Variants in TBATA observed in about 807,000 individuals in gnomAD.
TBATA encodes thymus, brain and testes associated, also known as protein TBATA.
TBATA carries 47 observed loss-of-function variants against 38.7 expected under a neutral mutation model. The observed-to-expected ratio is 1.21, with a 90% CI of 0.96 to 1.55. The LOEUF (loss-of-function observed/expected upper bound fraction) is 1.55. TBATA is among the 40% of genes most tolerant of loss of function. The pLI, the probability that TBATA is intolerant of heterozygous loss-of-function variation, is 0.00. For missense variants in TBATA, 436 were observed against 435.6 expected (o/e 1.00, Z -0.01); for synonymous variants, 183 against 170.5 (o/e 1.07, Z -0.57).
chr10:70,772,617 C>T lies in TBATA; in HGVS notation c.921-51G>A, dbSNP rs754721551. ...TGGGAAGGTCATGCTGGAAACCTGA[C>T]CCCACGGGTGGCAGGGGAGACAGGG... On this transcript the variant is annotated intron_variant, in intron 9 of 10. Coordinates refer to ENST00000456372, the MANE Select transcript of TBATA (RefSeq NM_001318241.2). 9 of 1,597,930 alleles carry T rather than the reference C, an allele frequency of 5.6e-6. No homozygotes were observed. The Admixed American group carries it at 1.5e-4, about 27-fold the overall frequency.
chr10:70,779,593 C>T lies in TBATA; in HGVS notation c.427G>A (p.Glu143Lys). 6.7e-7 allele frequency: 1 copy of T among 1,489,752 alleles called. No homozygotes were observed. Among genetic ancestry groups the T allele is most frequent in the Non-Finnish European group, 8.9e-7 (1 of 1,125,102 alleles). The allele number at this position is 1,489,752 out of a possible 1,614,324, so 92.3% of individuals were successfully genotyped here. ...AGGGAGGCATGGCCCAAGTACCCAC[C>T]AGAAGAAAGCTGGGGGTTCCGATTA... is the stretch of plus-strand genomic sequence containing the variant. ...QSNRNPQLSSEAWKKELKELA... is the reference protein window; with the variant it reads ...QSNRNPQLSSKAWKKELKELA... Residue 143 changes from glutamate to lysine, a missense_variant and splice_region_variant, in exon 5 of 11, where the codon GAA becomes AAA. Coordinates refer to ENST00000456372, the MANE Select transcript of TBATA (RefSeq NM_001318241.2).
Position 70,778,420 on chromosome 10 carries a change from C to A in TBATA, c.507+137G>T, listed in dbSNP as rs543603648. 33 of 881,376 alleles carry A rather than the reference C, an allele frequency of 3.7e-5. No individual in the cohort carries two copies. The African/African-American group carries it at 5.2e-4, about 14-fold the overall frequency. The allele number at this position is 881,376 out of a possible 1,614,324, so 54.6% of individuals were successfully genotyped here. On this transcript the variant is annotated intron_variant, in intron 6 of 10. Transcript: ENST00000456372. ...AGGTGTGCTCTCTCCCTCACTGTGA[C>A]CTTTCCCCTGACGTTTGTATGAATC...
chr10:70,784,523 G>A (rs1237643778), intron 2 of TBATA, 124 bp downstream of exon 2: 4 of 152,166 alleles, frequency 2.6e-5, no homozygotes, highest in African/African-American at 9.7e-5. Flanking sequence ...AGGGACCCCA[G>A]AGATCTCCCA....
intron 6 of TBATA, among the ~76,000 whole-genome samples, chr10:70,778,265 C>T (rs964573790): frequency 2.0e-5 from 3 of 152,226 alleles, no homozygotes; most frequent in Admixed American, 6.5e-5. Context: ...CCTGCATTTG[C>T]CAGCTTTTGA....
At chr10:70,774,068 T>G in intron 9 of TBATA, 145 bp downstream of exon 9, 1 of 1,135,052 alleles carries the variant, frequency 8.8e-7, no homozygotes, top group Non-Finnish European at 1.2e-6. Flanking sequence ...AGAAGGTCCC[T>G]GGGGGAGGGG....
At position 70,781,809 on chromosome 10, in the gene TBATA, T is replaced by C. The variant is rs774181411; in HGVS notation, c.269A>G (p.His90Arg). ...AACCAGCCAGGCCCTACCTTGGATG[T>C]GGGTCACGTGCTGGGGGTGTGGGTG... ...RHHPHPQHVTHIQDLTGKPVC... is the reference protein window; with the variant it reads ...RHHPHPQHVTRIQDLTGKPVC... The change falls in exon 4 of 11, where the codon CAC (histidine) becomes CGC (arginine). Residue 90 changes from histidine (H) to arginine (R), a missense_variant. Physicochemically the swap from His to Arg is conservative, Grantham distance 29. Transcript: ENST00000456372. 3 of 1,613,886 alleles carry C rather than the reference T, an allele frequency of 1.9e-6. No homozygotes were observed. Among genetic ancestry groups the C allele is most frequent in the East Asian group, 2.2e-5 (1 of 44,884 alleles).
intron 6 of TBATA, among the ~76,000 whole-genome samples, chr10:70,778,086 G>C (rs66499529): frequency 0.1 from 15,581 of 152,214 alleles, 953 homozygotes; most frequent in African/African-American, 0.17. Flanking sequence ...TGGCACCCAT[G>C]GGGTCACCCC....
intron 10 of TBATA, among the ~76,000 whole-genome samples, chr10:70,771,852 G>T (rs1480997091): frequency 6.6e-6 from 1 of 151,982 alleles, no homozygotes; most frequent in Admixed American, 6.6e-5. Flanking sequence ...GCCTCTCCTT[G>T]GTCTCCCTCA....
Position 70,779,641 on chromosome 10 carries a change from C to CT in TBATA, c.378_379insA (p.Val127SerfsTer9). On this transcript the variant is annotated frameshift_variant, in exon 5 of 11. Coordinates refer to ENST00000456372, the MANE Select transcript of TBATA (RefSeq NM_001318241.2). LOFTEE classifies it high-confidence loss of function. ...TTAGACTGTGGGTCTCCAATGGGGA[C>CT]AGAGATGGTGGGTATCCCCATTTGA... 6.5e-7 allele frequency: 1 copy of CT among 1,530,340 alleles called. No individual in the cohort carries two copies. The highest frequency in any genetic ancestry group is 1.5e-5 in the African/African-American group (1 of 68,840). The allele number at this position is 1,530,340 out of a possible 1,614,324, so 94.8% of individuals were successfully genotyped here. A position where few individuals can be genotyped will look rare whatever the true frequency, so the allele number is the denominator to read the frequency against.
chr10:70,784,914 C>T (rs1403524702), intron 1 of TBATA, 141 bp from the exon 2 acceptor site: 1 of 152,154 alleles, frequency 6.6e-6, no homozygotes, highest in African/African-American at 2.4e-5. Context: ...TATCCTGAAG[C>T]AATATTTATC....
At chr10:70,781,747 C>T in intron 4 of TBATA, 54 bp downstream of exon 4, 1 of 1,523,156 alleles carries the variant, frequency 6.6e-7, no homozygotes, top group Non-Finnish European at 9.1e-7. Flanking sequence ...TCCCAGTTCT[C>T]AAGACCAATT....
At chr10:70,778,922 T>C in intron 5 of TBATA, 1 of 530,012 alleles carries the variant, frequency 1.9e-6, no homozygotes, top group African/African-American at 1.9e-5. Context: ...CTGGAGAATA[T>C]TTGGTTACCT....
At chr10:70,772,815 A>G (rs996904228) in intron 9 of TBATA, among the ~76,000 whole-genome samples, 3 of 152,090 alleles carry the variant, frequency 2.0e-5, no homozygotes, top group Non-Finnish European at 4.4e-5. Context: ...AGTTAGTTCC[A>G]CTGGGAAGCA....
Position 70,779,583 on chromosome 10 carries a change from A to G in TBATA, c.427+10T>C, listed in dbSNP as rs1843879923. On this transcript the variant is annotated intron_variant, in intron 5 of 10. Coordinates refer to ENST00000456372, the MANE Select transcript of TBATA (RefSeq NM_001318241.2). The stretch of plus-strand genomic sequence containing the variant: ...CCCAGGGTAGAGGGAGGCATGGCCC[A>G]AGTACCCACCAGAAGAAAGCTGGGG... 6.8e-7 allele frequency: 1 copy of G among 1,479,248 alleles called. No individual in the cohort carries two copies. The highest frequency in any genetic ancestry group is 8.9e-7 in the Non-Finnish European group (1 of 1,120,128). 91.6% of individuals were successfully genotyped at this position (1,479,248 alleles called of 1,614,324 possible).
At chr10:70,784,376 T>G (rs1844630651) in intron 2 of TBATA, among the ~76,000 whole-genome samples, 1 of 152,178 alleles carries the variant, frequency 6.6e-6, no homozygotes, top group African/African-American at 2.4e-5. Context: ...AGATGAAAGA[T>G]GATAGGTGTC....
At chr10:70,784,361 G>T (rs909585430) in intron 2 of TBATA, among the ~76,000 whole-genome samples, 1 of 152,154 alleles carries the variant, frequency 6.6e-6, no homozygotes, top group African/African-American at 2.4e-5. Context: ...CTAATTAAAT[G>T]GCATAGATGA....
At chr10:70,783,636 G>A (rs1330793148) in intron 2 of TBATA, 111 bp from the exon 3 acceptor site, 1 of 425,816 alleles carries the variant, frequency 2.3e-6, no homozygotes, top group South Asian at 2.6e-5. Context: ...TACAACAGGG[G>A]CTACTTATAA....
At chr10:70,783,278 C>A in intron 3 of TBATA, 61 bp downstream of exon 3, 1 of 1,599,880 alleles carries the variant, frequency 6.3e-7, no homozygotes, top group Non-Finnish European at 8.6e-7. Context: ...CCACCTTTGT[C>A]TTCTACCCTG....
chr10:70,777,898 A>C, intron 6 of TBATA: 2 of 414,130 alleles, frequency 4.8e-6, no homozygotes, highest in Non-Finnish European at 9.6e-6. Flanking sequence ...AGACCCAGAC[A>C]GCTTAGCTGA....
Sources: gnomAD v4.1 joint callset for allele counts (sites outside exome capture counted in the v4.1 genomes callset) on GRCh38, gnomAD v4.1.1 for gene constraint, MANE v1.5 for transcripts, NCBI Gene and HGNC (gene_info 2026-07-23, HGNC 2026-07-21) for gene names.